CDH4: variants seen among roughly 807,000 people sequenced by gnomAD.
The protein encoded by CDH4 is cadherin-4.
In CDH4, 33 loss-of-function variants were observed where a neutral mutation model predicts 86.0. The ratio of observed to expected loss-of-function variants is 0.38; its 90% CI spans 0.29 to 0.51. CDH4 has a LOEUF of 0.51. Among genes scored for constraint, CDH4 ranks in the 20% least tolerant of loss-of-function variants. CDH4 has a pLI of 0.86. For missense variants in CDH4, 1,114 were observed against 1,307.4 expected, an observed-to-expected ratio of 0.85 and a Z score of 2.28; for synonymous variants, 555 against 549.4, an observed-to-expected ratio of 1.01 and a Z score of -0.14.
chr20:61,498,213 A>C (rs1447424030), intron 2 of CDH4, among the ~76,000 whole-genome samples: 1 of 152,168 alleles, frequency 6.6e-6, no homozygotes, highest in Non-Finnish European at 1.5e-5. Context: ...TAATAATAAA[A>C]AAAAAAGGCC....
At chr20:61,435,075 A>C (rs1355573049) in intron 2 of CDH4, among the ~76,000 whole-genome samples, 1 of 152,192 alleles carries the variant, frequency 6.6e-6, no homozygotes, top group Non-Finnish European at 1.5e-5. Flanking sequence ...GTTCACGAGT[A>C]TGAAGTTGAA....
intron 2 of CDH4, among the ~76,000 whole-genome samples, chr20:61,508,907 C>A (rs1428491514): frequency 3.3e-5 from 5 of 152,230 alleles, no homozygotes; most frequent in Non-Finnish European, 7.3e-5. Flanking sequence ...GGGTTCCACC[C>A]CCTCCCCACT....
At chr20:61,817,429 C>G (rs992699271) in intron 4 of CDH4, among the ~76,000 whole-genome samples, 30 of 152,228 alleles carry the variant, frequency 2.0e-4, no homozygotes, top group Admixed American at 9.2e-4. Flanking sequence ...TTCCCCACCC[C>G]CCAAATGGAT....
At chr20:61,338,850 GTGTTTCTGC>G (rs2084633860) in intron 2 of CDH4, among the ~76,000 whole-genome samples, 3 of 152,174 alleles carry the variant, frequency 2.0e-5, no homozygotes, top group Non-Finnish European at 2.9e-5. Context: ...TTTTATGTGT[GTGTTTCTGC>G]TGTTTCTGAA....
intron 2 of CDH4, among the ~76,000 whole-genome samples, chr20:61,583,520 G>C (rs1034392371): frequency 1.6e-4 from 24 of 152,166 alleles, no homozygotes; most frequent in African/African-American, 5.8e-4. Context: ...GACAGAGGCA[G>C]CTGCGAGGTG....
intron 2 of CDH4, among the ~76,000 whole-genome samples, chr20:61,333,343 CA>C (rs2123268169): frequency 6.6e-6 from 1 of 152,250 alleles, no homozygotes; most frequent in African/African-American, 2.4e-5. Flanking sequence ...GGACATTTGG[CA>C]AAATCTGAGT....
rs150263026 is a variant in CDH4, at chr20:61,486,988, G to C, written c.169+232051G>C. On this transcript the variant is annotated intron_variant, in intron 2 of 15. Transcript: ENST00000614565. Reference sequence around the variant, plus strand: ...GTTTTATTCTCGTGTGTACCCAGTGGTGCCTGGCAGAGGAAGGGCCCTGGA... The same window carrying C: ...GTTTTATTCTCGTGTGTACCCAGTGCTGCCTGGCAGAGGAAGGGCCCTGGA... Among the ~76,000 whole-genome samples the C allele has an allele frequency of 5.1e-4, 77 of 152,332 alleles. 1 individual carries two copies. In the East Asian group the frequency reaches 8.7e-3, roughly 17 times the overall value.
chr20:61,903,317 G>A (rs535934479), intron 8 of CDH4, among the ~76,000 whole-genome samples: 22 of 152,072 alleles, frequency 1.4e-4, no homozygotes, highest in Admixed American at 5.9e-4. Flanking sequence ...AGGCCGAGGC[G>A]GGCAGATCAC....
intron 2 of CDH4, chr20:61,599,955 A>T (rs1429797867): frequency 1.0e-6 from 1 of 985,426 alleles, no homozygotes; most frequent in Non-Finnish European, 1.2e-6. Flanking sequence ...CGGCCTCTCC[A>T]CAGAGAAGCT....
At chr20:61,677,336 C>T (rs2087454414) in intron 2 of CDH4, among the ~76,000 whole-genome samples, 1 of 152,166 alleles carries the variant, frequency 6.6e-6, no homozygotes, top group South Asian at 2.1e-4. Context: ...CATTTGCAGG[C>T]AGCAAACGTG....
chr20:61,396,882 T>C (rs6142669), intron 2 of CDH4, among the ~76,000 whole-genome samples: 35,283 of 152,104 alleles, frequency 0.23, 4,165 homozygotes, highest in East Asian at 0.39. Context: ...ACTACTTAAA[T>C]CTTTCAACTA....
intron 2 of CDH4, among the ~76,000 whole-genome samples, chr20:61,741,410 G>C (rs551743144): frequency 1.6e-4 from 24 of 152,134 alleles, no homozygotes; most frequent in Non-Finnish European, 2.9e-5. Context: ...GCTGTTTCCT[G>C]CCTGGTCATT....
chr20:61,872,008 C>T (rs940965229), intron 6 of CDH4, among the ~76,000 whole-genome samples: 1 of 152,040 alleles, frequency 6.6e-6, no homozygotes, highest in Non-Finnish European at 1.5e-5. Flanking sequence ...GTCTTCTCTG[C>T]AGGGCTGCAG....
chr20:61,600,975 C>T (rs768007809), intron 2 of CDH4, among the ~76,000 whole-genome samples: 8 of 152,200 alleles, frequency 5.3e-5, no homozygotes, highest in Non-Finnish European at 8.8e-5. Flanking sequence ...CAGCCTTAGG[C>T]ACCTTGCCTG....
Position 61,784,472 on chromosome 20 carries a change from A to C in CDH4, c.576+11290A>C, listed in dbSNP as rs113473331. Among the ~76,000 whole-genome samples, 111 of 40,504 alleles carry C rather than the reference A, an allele frequency of 2.7e-3. 2 individuals carry two copies. Among genetic ancestry groups the C allele is most frequent in the South Asian group, 0.013 (11 of 840 alleles). 26.6% of individuals were successfully genotyped at this position (40,504 alleles called of 152,430 possible). A position where few individuals can be genotyped will look rare whatever the true frequency, so the allele number is the denominator to read the frequency against. ...ATCCCAGTTCCTCGGGACAGTTCTC[A>C]AGGCCCTCCGATATCCTGTGCCCCC... On this transcript the variant is annotated intron_variant, in intron 4 of 15. Transcript: ENST00000614565.
At position 61,692,798 on chromosome 20, in the gene CDH4, C is replaced by A. The variant is rs560284643; in HGVS notation, c.170-50765C>A. ...TTGATTTAGATTCTATTTTAATACT[C>A]TGTTTTCTACTAGCAAGCAAGCTTT... On this transcript the variant is annotated intron_variant, in intron 2 of 15. Transcript: ENST00000614565. Among the ~76,000 whole-genome samples, 4 of 151,994 alleles carry A rather than the reference C, an allele frequency of 2.6e-5. No homozygotes were observed. In the South Asian group the frequency reaches 8.3e-4, roughly 32 times the overall value.
chr20:61,923,576 C>T lies in CDH4; in HGVS notation c.1500C>T (p.Asp500=). 6.2e-7 allele frequency: 1 copy of T among 1,614,184 alleles called. No individual in the cohort carries two copies. The highest frequency in any genetic ancestry group is 1.3e-5 in the African/African-American group (1 of 75,060). The change falls in exon 10 of 16, where the codon GAC becomes GAT. Residue 500 remains aspartate, a synonymous_variant. Transcript: ENST00000614565. ...CAGGGGTGACCATCTCCATCATGGA[C>T]ATCAACGAGGCTCCCTACTTCCCCT... is the stretch of plus-strand genomic sequence containing the variant. ...STAGVTISIM[D]INEAPYFPSN...
chr20:61,774,240 G>A (rs67223376), intron 4 of CDH4, among the ~76,000 whole-genome samples: 3,172 of 152,286 alleles, frequency 0.021, 105 homozygotes, highest in African/African-American at 0.072. Flanking sequence ...CCCCTTGAGG[G>A]CCAGGCAGGT....
rs547025444 is a variant in CDH4 at position 61,343,429 on chromosome 20, G to A, written c.169+88492G>A. ...AACTAGAATTCTTGAATAGTTATGTGAGAAAATGTGTGTGTGCATGGGTGT... is the reference window on the plus strand; with the variant it reads ...AACTAGAATTCTTGAATAGTTATGTAAGAAAATGTGTGTGTGCATGGGTGT... On this transcript the variant is annotated intron_variant, in intron 2 of 15. Coordinates refer to ENST00000614565, the MANE Select transcript of CDH4 (RefSeq NM_001794.5). Among the ~76,000 whole-genome samples the A allele has an allele frequency of 1.1e-3, 169 of 152,370 alleles. 1 individual carries two copies. The highest frequency in any genetic ancestry group is 6.8e-3 in the Middle Eastern group (2 of 294).
Sources: allele counts gnomAD v4.1 joint callset (sites outside exome capture counted in the v4.1 genomes callset), GRCh38; gene constraint gnomAD v4.1.1; transcripts MANE v1.5; gene names NCBI Gene and HGNC (gene_info 2026-07-23, HGNC 2026-07-21).